The following TOPAZ1 variants were observed in gnomAD, a reference collection of about 807,000 sequenced individuals.
TOPAZ1 encodes testis and ovary specific TOPAZ 1, also known as protein TOPAZ1.
A neutral mutation model predicts 172.2 loss-of-function variants in TOPAZ1; 66 were observed. That is an observed-to-expected ratio of 0.38 (90% CI 0.31 to 0.47). TOPAZ1 has a LOEUF of 0.47. TOPAZ1 is among the 20% of genes least tolerant of loss of function. The pLI, the probability that TOPAZ1 is intolerant of heterozygous loss-of-function variation, is 0.99. For missense variants in TOPAZ1, 1,822 were observed against 1,972.4 expected, an observed-to-expected ratio of 0.92 and a Z score of 1.44; for synonymous variants, 681 against 683.9, an observed-to-expected ratio of 1.00 and a Z score of 0.07.
In TOPAZ1 at chr3:44,244,056, A is replaced by G; in HGVS notation, c.1550A>G (p.Tyr517Cys). ...AAGGCTTCCTTGCCAGAATCAAGTTACTTTCTTCGTGGGTCTCAGGAAAGT... is the reference window on the plus strand; with the variant it reads ...AAGGCTTCCTTGCCAGAATCAAGTTGCTTTCTTCGTGGGTCTCAGGAAAGT... ...WKKASLPESS[Y>C]FLRGSQESCR... is the part of the protein sequence containing the mutation. Residue 517 changes from tyrosine to cysteine, a missense_variant, in exon 2 of 20, where the codon TAC (tyrosine) becomes TGC (cysteine). Physicochemically the swap from Tyr to Cys is radical, Grantham distance 194. Around this residue, in one of 2 missense-constraint regions of TOPAZ1, gnomAD observed 1,489 missense variants for 1,490.8 expected, o/e 1.00. Coordinates refer to ENST00000309765, the MANE Select transcript of TOPAZ1 (RefSeq NM_001145030.2). The G allele has an allele frequency of 1.3e-6, 2 of 1,551,818 alleles. No homozygotes were observed. Among genetic ancestry groups the G allele is most frequent in the East Asian group, 4.9e-5 (2 of 40,916 alleles).
chr3:44,313,042 C>T (rs568203574), intron 16 of TOPAZ1, among the ~76,000 whole-genome samples: 236 of 152,156 alleles, frequency 1.6e-3, no homozygotes, highest in African/African-American at 5.5e-3. Flanking sequence ...TCTACAGCAT[C>T]ACTTACTAGG....
intron 15 of TOPAZ1, among the ~76,000 whole-genome samples, chr3:44,307,602 GAGAGT>G (rs1700350193): frequency 6.6e-6 from 1 of 152,070 alleles, no homozygotes; most frequent in East Asian, 1.9e-4. Context: ...AGTTTATATA[GAGAGT>G]AGAGTAGAGA....
intron 4 of TOPAZ1, among the ~76,000 whole-genome samples, chr3:44,259,727 C>T (rs951192584): frequency 1.3e-5 from 2 of 152,218 alleles, no homozygotes; most frequent in Admixed American, 6.5e-5. Flanking sequence ...CCATTTTCTC[C>T]CCACACACTA....
intron 8 of TOPAZ1, among the ~76,000 whole-genome samples, chr3:44,280,844 C>T (rs1216776184): frequency 6.6e-6 from 1 of 152,210 alleles, no homozygotes; most frequent in Non-Finnish European, 1.5e-5. Context: ...AGGGATTTTC[C>T]ATTGGGCCCC....
chr3:44,323,134 T>C lies in TOPAZ1; in HGVS notation c.4514T>C (p.Leu1505Pro), dbSNP rs1262185560. 1 of 1,548,182 alleles carries C rather than the reference T, an allele frequency of 6.5e-7. No homozygotes were observed. The highest frequency in any genetic ancestry group is 2.0e-5 in the Admixed American group (1 of 50,824). ...CAATATAGCCTTCTTTTTAATAAGC[T>C]TCTAGGTTCCTGTATAGAAAGCAGT... ...VSQYSLLFNK[L>P]LGSCIESSSL... is the part of the protein sequence containing the mutation. Residue 1505 changes from leucine (L) to proline (P), a missense_variant, in exon 18 of 20, where the codon CTT becomes CCT. Physicochemically the swap from Leu to Pro is moderately conservative, Grantham distance 98. Transcript: ENST00000309765.
intron 8 of TOPAZ1, among the ~76,000 whole-genome samples, chr3:44,278,215 TC>T (rs1559534799): frequency 6.6e-6 from 1 of 152,192 alleles, no homozygotes; most frequent in South Asian, 2.1e-4. Flanking sequence ...AAACTTACAT[TC>T]CTAGAATAAA....
chr3:44,298,929 T>TTTTTG (rs1700236063), intron 12 of TOPAZ1, among the ~76,000 whole-genome samples: 1 of 52,532 alleles, frequency 1.9e-5, no homozygotes, highest in African/African-American at 6.5e-5. Flanking sequence ...TTTTTTTTTT[T>TTTTTG]TTTTTCCCCC....
At chr3:44,258,593 C>A (rs1281921521) in intron 4 of TOPAZ1, among the ~76,000 whole-genome samples, 1 of 150,954 alleles carries the variant, frequency 6.6e-6, no homozygotes, top group Non-Finnish European at 1.5e-5. Context: ...TTTTTTTTTC[C>A]ACCTGGATAA....
intron 2 of TOPAZ1, among the ~76,000 whole-genome samples, chr3:44,253,210 C>T (rs530860270): frequency 5.9e-5 from 9 of 152,206 alleles, no homozygotes; most frequent in Admixed American, 2.6e-4. Flanking sequence ...GGACAACAGG[C>T]GTAAGCAGAC....
At chr3:44,285,582 T>A (rs1325338902) in intron 9 of TOPAZ1, among the ~76,000 whole-genome samples, 2 of 152,078 alleles carry the variant, frequency 1.3e-5, no homozygotes, top group Non-Finnish European at 2.9e-5. Flanking sequence ...TTGTTTTTGA[T>A]TTTTTGAGAC....
chr3:44,310,013 A>G (rs1440028550), intron 16 of TOPAZ1, 23 bp downstream of exon 16: 3 of 1,526,830 alleles, frequency 2.0e-6, no homozygotes, highest in South Asian at 1.3e-5. Flanking sequence ...ATATGCAAGC[A>G]TAAAATAATT....
At chr3:44,297,441 A>G (rs1405960025) in intron 12 of TOPAZ1, among the ~76,000 whole-genome samples, 1 of 152,222 alleles carries the variant, frequency 6.6e-6, no homozygotes, top group Non-Finnish European at 1.5e-5. Flanking sequence ...TTCAATATCC[A>G]TGCATTATTT....
intron 6 of TOPAZ1, among the ~76,000 whole-genome samples, chr3:44,268,366 C>CTTT (rs34027226): frequency 1.2e-4 from 8 of 67,480 alleles, no homozygotes; most frequent in Admixed American, 1.9e-4. Flanking sequence ...GGTGCCTATT[C>CTTT]TTTTTTTTTT....
At chr3:44,270,061 C>G (rs550936777) in intron 7 of TOPAZ1, among the ~76,000 whole-genome samples, 74 of 152,126 alleles carry the variant, frequency 4.9e-4, no homozygotes, top group Admixed American at 1.2e-3. Context: ...GGGAGAACAT[C>G]CAAAACAGAA....
intron 19 of TOPAZ1, among the ~76,000 whole-genome samples, chr3:44,330,498 T>C (rs1241918179): frequency 6.6e-6 from 1 of 152,240 alleles, no homozygotes; most frequent in Non-Finnish European, 1.5e-5. Context: ...TTTTTAAGAC[T>C]GCACATAGTT....
At chr3:44,257,352 G>GGTGTGTGTGTGTGTGTGTGTGT (rs59827431) in intron 4 of TOPAZ1, among the ~76,000 whole-genome samples, 5 of 110,402 alleles carry the variant, frequency 4.5e-5, no homozygotes, top group East Asian at 2.4e-4. Context: ...AAAACATAGG[G>GGTGTGTGTGTGTGTGTGTGTGT]GTGTGTGTGT....
chr3:44,320,417 G>A lies in TOPAZ1; in HGVS notation c.4307-610G>A, dbSNP rs1219657235. On this transcript the variant is annotated intron_variant, in intron 16 of 19. Transcript: ENST00000309765. ...TCGAGACTGTCCTGGCTGACACAGC[G>A]AAACTCCGTCTCTACTTAACATACA... 2.6e-5 allele frequency among the ~76,000 whole-genome samples: 4 copies of A among 152,116 alleles called. No individual in the cohort carries two copies. The South Asian group carries it at 8.3e-4, about 32-fold the overall frequency.
Position 44,243,822 on chromosome 3 carries a change from G to A in TOPAZ1, c.1316G>A (p.Ser439Asn), listed in dbSNP as rs1379143398. Reference protein sequence around the residue: ...ENASEPLGYESMASKEDFKSM... With the variant: ...ENASEPLGYENMASKEDFKSM... ...GCTTCAGAGCCGTTAGGTTATGAAA[G>A]CATGGCATCGAAAGAGGATTTTAAA... The change falls in exon 2 of 20, where the codon AGC becomes AAC. Residue 439 changes from serine to asparagine, a missense_variant. By Grantham distance (46) the Ser-to-Asn change is conservative. Around this residue, in one of 2 missense-constraint regions of TOPAZ1, gnomAD observed 1,489 missense variants for 1,490.8 expected, o/e 1.00. Coordinates refer to ENST00000309765, the MANE Select transcript of TOPAZ1 (RefSeq NM_001145030.2). 6.4e-7 allele frequency: 1 copy of A among 1,551,748 alleles called. No individual in the cohort carries two copies. Among genetic ancestry groups the A allele is most frequent in the Non-Finnish European group, 8.7e-7 (1 of 1,146,986 alleles).
downstream of TOPAZ1, among the ~76,000 whole-genome samples, chr3:44,336,038 C>G (rs375636381): frequency 4.6e-5 from 7 of 152,248 alleles, no homozygotes; most frequent in South Asian, 2.1e-4. Context: ...GATATTTGTG[C>G]TTTAGAAGGA....
Sources: allele counts gnomAD v4.1 joint callset (sites outside exome capture counted in the v4.1 genomes callset), GRCh38; gene constraint gnomAD v4.1.1; regional missense constraint gnomAD v4.1.1; transcripts MANE v1.5; gene names NCBI Gene and HGNC (gene_info 2026-07-23, HGNC 2026-07-21).